The following DSE variants were observed in gnomAD, a reference collection of about 807,000 sequenced individuals.
DSE encodes the protein dermatan sulfate epimerase, also known as dermatan-sulfate epimerase.
Under a neutral mutation model 84.4 loss-of-function variants are expected in DSE, and 36 were observed. The observed-to-expected ratio is 0.43, with a 90% CI of 0.33 to 0.56. DSE has a LOEUF of 0.56. Ranked by LOEUF, DSE falls within the 20% of genes least tolerant of loss-of-function variation. The pLI, the probability that DSE is intolerant of heterozygous loss-of-function variation, is 0.06. For missense variants in DSE, 862 were observed against 1,169.6 expected (o/e 0.74, Z 3.84); for synonymous variants, 410 against 430.1 (o/e 0.95, Z 0.58).
chr6:116,351,876 A>T (rs573229672), intron 2 of DSE, among the ~76,000 whole-genome samples: 59 of 152,260 alleles, frequency 3.9e-4, no homozygotes, highest in Non-Finnish European at 7.1e-4. Flanking sequence ...AAAGGCCTTA[A>T]GGAATATTTA....
chr6:116,300,063 T>G (rs2114700909), intron 2 of DSE, among the ~76,000 whole-genome samples: 1 of 152,312 alleles, frequency 6.6e-6, no homozygotes, highest in South Asian at 2.1e-4. Context: ...CCAGAAAAAC[T>G]GTCAACTTTT....
At chr6:116,354,023 T>C (rs1010297955) in intron 2 of DSE, among the ~76,000 whole-genome samples, 3 of 152,160 alleles carry the variant, frequency 2.0e-5, no homozygotes, top group Non-Finnish European at 4.4e-5. Flanking sequence ...GACACCACTT[T>C]CAAAAATCTA....
At chr6:116,371,797 A>G (rs1779600160) in intron 1 of DSE, among the ~76,000 whole-genome samples, 1 of 152,228 alleles carries the variant, frequency 6.6e-6, no homozygotes, top group Non-Finnish European at 1.5e-5. Flanking sequence ...TCTGAAAGCG[A>G]TGCCACATGG....
intron 2 of DSE, among the ~76,000 whole-genome samples, chr6:116,320,349 G>T (rs1227956650): frequency 2.0e-5 from 3 of 150,494 alleles, no homozygotes; most frequent in Non-Finnish European, 4.4e-5. Context: ...GTAAAAATGA[G>T]ATTTTCTGGC....
At chr6:116,419,546 C>G (rs1040723319) in intron 2 of DSE, among the ~76,000 whole-genome samples, 2 of 152,124 alleles carry the variant, frequency 1.3e-5, no homozygotes, top group Non-Finnish European at 2.9e-5. Context: ...TAATTCTGGC[C>G]TATTTTAATG....
At chr6:116,379,535 T>C (rs531863983) in intron 1 of DSE, among the ~76,000 whole-genome samples, 2 of 152,236 alleles carry the variant, frequency 1.3e-5, no homozygotes, top group South Asian at 2.1e-4. Flanking sequence ...CCAAGAGAAA[T>C]AGGGAGCAAA....
intron 2 of DSE, among the ~76,000 whole-genome samples, chr6:116,323,412 C>T (rs1427323845): frequency 6.6e-6 from 1 of 152,158 alleles, no homozygotes; most frequent in Non-Finnish European, 1.5e-5. Context: ...GTGAGATTCA[C>T]ATTTGACTTG....
chr6:116,435,675 G>A lies in DSE; in HGVS notation c.1207G>A (p.Gly403Arg), dbSNP rs1784101570. The change falls in exon 6 of 6, where the codon GGA becomes AGA. Residue 403 changes from glycine (G) to arginine (R), a missense_variant. Physicochemically the swap from Gly to Arg is moderately radical, Grantham distance 125. Around this residue, in one of 4 missense-constraint regions of DSE, gnomAD observed 309 missense variants for 516.9 expected, o/e 0.60. Coordinates refer to ENST00000644252, the MANE Select transcript of DSE (RefSeq NM_013352.4). Reference sequence around the variant, plus strand: ...TGAAGACTGGGGTGTCGTGACTTATGGAAGTGCACTACCTGCAGAAATCAA... The same window carrying A: ...TGAAGACTGGGGTGTCGTGACTTATAGAAGTGCACTACCTGCAGAAATCAA... ...YFEDWGVVTYGSALPAEINRS... is the reference protein window; with the variant it reads ...YFEDWGVVTYRSALPAEINRS... The A allele has an allele frequency of 6.2e-7, 1 of 1,613,982 alleles. No individual in the cohort carries two copies. Among genetic ancestry groups the A allele is most frequent in the South Asian group, 1.1e-5 (1 of 91,090 alleles).
intron 2 of DSE, among the ~76,000 whole-genome samples, chr6:116,266,846 A>G (rs1384462920): frequency 6.6e-6 from 1 of 152,224 alleles, no homozygotes; most frequent in Non-Finnish European, 1.5e-5. Context: ...ACATATCTAA[A>G]AAGTGCAAAT....
chr6:116,415,600 T>TA (rs1303790491), intron 2 of DSE, among the ~76,000 whole-genome samples: 3 of 138,878 alleles, frequency 2.2e-5, no homozygotes, highest in Non-Finnish European at 3.1e-5. Context: ...GCCAGTCCTC[T>TA]TTTTTTTTTT....
intron 2 of DSE, among the ~76,000 whole-genome samples, chr6:116,264,889 A>G (rs1772555028): frequency 6.6e-6 from 1 of 152,094 alleles, no homozygotes; most frequent in African/African-American, 2.4e-5. Context: ...TTCTGGGGGA[A>G]CTTATATTAG....
intron 2 of DSE, among the ~76,000 whole-genome samples, chr6:116,338,476 A>G (rs1777400940): frequency 6.6e-6 from 1 of 152,016 alleles, no homozygotes; most frequent in South Asian, 2.1e-4. Context: ...CACCCGCCTC[A>G]GCCTCCCAAA....
At chr6:116,393,699 A>G (rs964800865) in intron 1 of DSE, among the ~76,000 whole-genome samples, 5 of 152,220 alleles carry the variant, frequency 3.3e-5, no homozygotes, top group African/African-American at 9.7e-5. Flanking sequence ...TCCATGCCCC[A>G]TACTGTTAAT....
intron 2 of DSE, among the ~76,000 whole-genome samples, chr6:116,357,414 C>T (rs1471702975): frequency 1.3e-5 from 2 of 151,992 alleles, no homozygotes; most frequent in Non-Finnish European, 2.9e-5. Context: ...CACCTGTGGT[C>T]CCAGCTACAC....
At chr6:116,278,486 C>G in intron 2 of DSE, 1 of 1,613,232 alleles carries the variant, frequency 6.2e-7, no homozygotes, top group African/African-American at 1.3e-5. Flanking sequence ...TGGTAGGAGA[C>G]CTTGTGCAGG....
At chr6:116,408,664 T>C (rs1782095125) in intron 2 of DSE, among the ~76,000 whole-genome samples, 1 of 152,222 alleles carries the variant, frequency 6.6e-6, no homozygotes, top group Non-Finnish European at 1.5e-5. Context: ...CACTGTACCT[T>C]TGACGTACTT....
At chr6:116,417,095 G>A (rs979118879) in intron 2 of DSE, among the ~76,000 whole-genome samples, 5 of 152,234 alleles carry the variant, frequency 3.3e-5, no homozygotes, top group Non-Finnish European at 7.4e-5. Context: ...TAGTCTTTAA[G>A]CTATGCCATT....
intron 2 of DSE, among the ~76,000 whole-genome samples, chr6:116,352,823 T>C (rs1202006198): frequency 6.6e-6 from 1 of 152,182 alleles, no homozygotes; most frequent in African/African-American, 2.4e-5. Flanking sequence ...AAATAGGCTT[T>C]CCAAAACTCA....
chr6:116,268,523 C>T (rs1772737278), intron 2 of DSE, among the ~76,000 whole-genome samples: 1 of 152,194 alleles, frequency 6.6e-6, no homozygotes, highest in African/African-American at 2.4e-5. Context: ...TTTTCATCTA[C>T]ATGAATGTTT....
Sources: gnomAD v4.1 joint callset for allele counts (sites outside exome capture counted in the v4.1 genomes callset) on GRCh38, gnomAD v4.1.1 for gene constraint, gnomAD v4.1.1 regional missense constraint, MANE v1.5 for transcripts, NCBI Gene and HGNC (gene_info 2026-07-23, HGNC 2026-07-21) for gene names.